The following ARSB variants were observed in gnomAD, a reference collection of about 807,000 sequenced individuals.
ARSB encodes the protein arylsulfatase B, also known as N-acetylgalactosamine-4-sulfatase.
Under a neutral mutation model 50.9 loss-of-function variants are expected in ARSB, and 41 were observed. The ratio of observed to expected loss-of-function variants is 0.81; its 90% CI spans 0.63 to 1.04. The LOEUF (loss-of-function observed/expected upper bound fraction) is 1.04. Ranked by LOEUF, ARSB falls within the 50% of genes least tolerant of loss-of-function variation. The pLI is 0.00. For missense variants in ARSB, 672 were observed against 693.3 expected, an observed-to-expected ratio of 0.97 and a Z score of 0.35; for synonymous variants, 269 against 284.8, an observed-to-expected ratio of 0.94 and a Z score of 0.56.
intron 4 of ARSB, among the ~76,000 whole-genome samples, chr5:78,943,459 G>T (rs1288445134): frequency 2.0e-5 from 3 of 152,304 alleles, no homozygotes; most frequent in South Asian, 2.1e-4. Flanking sequence ...AGGAGCTCTT[G>T]CAGGGCAGGA....
rs138831025 is a variant in ARSB at position 78,975,398 on chromosome 5, C to G, written c.313-6206G>C. On this transcript the variant is annotated intron_variant, in intron 1 of 7. Coordinates refer to ENST00000264914, the MANE Select transcript of ARSB (RefSeq NM_000046.5). ...ACAGCCTCCTTCCTATATTTCCTGT[C>G]CAAGGTTCCGCCTCAGGGGTGAGTG... 1.2e-4 allele frequency among the ~76,000 whole-genome samples: 18 copies of G among 152,324 alleles called. No homozygotes were observed. The East Asian group carries it at 3.3e-3, about 28-fold the overall frequency.
At chr5:78,816,738 C>G (rs994550509) in intron 6 of ARSB, among the ~76,000 whole-genome samples, 11 of 152,224 alleles carry the variant, frequency 7.2e-5, no homozygotes, top group Non-Finnish European at 1.6e-4. Context: ...CCATTGCTGA[C>G]TTTACCATGA....
At chr5:78,782,707 T>C (rs1748962019) in intron 6 of ARSB, among the ~76,000 whole-genome samples, 1 of 152,180 alleles carries the variant, frequency 6.6e-6, no homozygotes, top group Non-Finnish European at 1.5e-5. Flanking sequence ...GAACAAAAAA[T>C]ACTGCTTTTG....
intron 2 of ARSB, among the ~76,000 whole-genome samples, chr5:78,965,788 T>C (rs930647485): frequency 1.3e-5 from 2 of 152,210 alleles, no homozygotes; most frequent in African/African-American, 4.8e-5. Context: ...GAGCTTTACA[T>C]AGTTTATATA....
chr5:78,927,511 A>C (rs1750109141), intron 4 of ARSB, among the ~76,000 whole-genome samples: 1 of 152,200 alleles, frequency 6.6e-6, no homozygotes, highest in South Asian at 2.1e-4. Flanking sequence ...AAGTATAAAA[A>C]CACTATCTAT....
At chr5:78,948,961 A>G (rs1005648002) in intron 4 of ARSB, among the ~76,000 whole-genome samples, 2 of 152,170 alleles carry the variant, frequency 1.3e-5, no homozygotes, top group African/African-American at 4.8e-5. Context: ...AGTCTGAGAA[A>G]CTGAATTTTT....
intron 4 of ARSB, 133 bp downstream of exon 4, chr5:78,955,162 C>G: frequency 1.2e-6 from 1 of 843,998 alleles, no homozygotes; most frequent in Non-Finnish European, 1.9e-6. Context: ...CCACAATTAC[C>G]ATGTCTCCAC....
chr5:78,870,178 T>C (rs1055455929), intron 5 of ARSB, among the ~76,000 whole-genome samples: 1 of 149,042 alleles, frequency 6.7e-6, no homozygotes, highest in Non-Finnish European at 1.5e-5. Flanking sequence ...ATCAATATTT[T>C]ACCAACCAAA....
At chr5:78,849,628 T>C (rs1026268562) in intron 5 of ARSB, among the ~76,000 whole-genome samples, 26 of 151,764 alleles carry the variant, frequency 1.7e-4, no homozygotes, top group East Asian at 1.3e-3. Context: ...GGGGATGGCA[T>C]TGAATCTATA....
chr5:78,939,110 A>G (rs891562525), intron 4 of ARSB, among the ~76,000 whole-genome samples: 1 of 152,162 alleles, frequency 6.6e-6, no homozygotes, highest in African/African-American at 2.4e-5. Context: ...TACTCTGGCC[A>G]TGGGCTTCAC....
chr5:78,906,623 T>C (rs1283990002), intron 4 of ARSB, among the ~76,000 whole-genome samples: 2 of 152,188 alleles, frequency 1.3e-5, no homozygotes, highest in African/African-American at 4.8e-5. Flanking sequence ...CCTATTCTTA[T>C]CATCCCTGCT....
intron 6 of ARSB, among the ~76,000 whole-genome samples, chr5:78,799,581 T>C (rs543215744): frequency 6.6e-6 from 1 of 152,322 alleles, no homozygotes; most frequent in Non-Finnish European, 1.5e-5. Flanking sequence ...AAAATCCTAC[T>C]TCTGAACCCG....
chr5:78,984,372 A>G (rs568253739), intron 1 of ARSB, among the ~76,000 whole-genome samples: 1 of 152,342 alleles, frequency 6.6e-6, no homozygotes, highest in Admixed American at 6.5e-5. Context: ...AGTTCAATAC[A>G]AGGTTACATG....
chr5:78,956,161 G>T (rs1215429795), intron 3 of ARSB, among the ~76,000 whole-genome samples: 2 of 152,022 alleles, frequency 1.3e-5, no homozygotes, highest in African/African-American at 4.8e-5. Context: ...ACAAAATATG[G>T]TATATTTTCA....
intron 5 of ARSB, among the ~76,000 whole-genome samples, chr5:78,878,766 T>C (rs979691647): frequency 1.3e-5 from 2 of 152,218 alleles, no homozygotes; most frequent in African/African-American, 4.8e-5. Context: ...TATTTTAATA[T>C]TCAGTTGTCA....
intron 4 of ARSB, among the ~76,000 whole-genome samples, chr5:78,938,426 T>C (rs919447773): frequency 6.6e-6 from 1 of 152,192 alleles, no homozygotes; most frequent in African/African-American, 2.4e-5. Flanking sequence ...TTCTGAGGCA[T>C]GGGTTGTAAT....
chr5:78,785,056 C>T lies in ARSB; in HGVS notation c.1214-3082G>A, dbSNP rs547400757. Among the ~76,000 whole-genome samples the T allele has an allele frequency of 2.0e-5, 3 of 152,286 alleles. No homozygotes were observed. In the South Asian group the frequency reaches 6.2e-4, roughly 32 times the overall value. On this transcript the variant is annotated intron_variant, in intron 6 of 7. Transcript: ENST00000264914. ...CTCATGATCCGCCCGCCTTGGCCTC[C>T]CAAAGTGCTGGGATTACAGGCGTGA...
At chr5:78,781,504 A>G (rs905937103) in intron 7 of ARSB, among the ~76,000 whole-genome samples, 1 of 152,066 alleles carries the variant, frequency 6.6e-6, no homozygotes, top group Non-Finnish European at 1.5e-5. Flanking sequence ...GAAGCTGTGT[A>G]ATTGGGAACA....
intron 4 of ARSB, among the ~76,000 whole-genome samples, chr5:78,891,876 A>G (rs1201932737): frequency 1.3e-5 from 2 of 152,194 alleles, no homozygotes; most frequent in African/African-American, 4.8e-5. Context: ...GACCATCATC[A>G]CTTTCCCCTA....
Sources: gnomAD v4.1 joint callset for allele counts (sites outside exome capture counted in the v4.1 genomes callset) on GRCh38, gnomAD v4.1.1 for gene constraint, MANE v1.5 for transcripts, NCBI Gene and HGNC (gene_info 2026-07-23, HGNC 2026-07-21) for gene names.